Variants in MTUS2 observed in about 807,000 individuals in gnomAD.
MTUS2 encodes the protein microtubule associated scaffold protein 2, also known as microtubule-associated tumor suppressor candidate 2.
Under a neutral mutation model 114.1 loss-of-function variants are expected in MTUS2, and 40 were observed. The observed-to-expected ratio is 0.35, with a 90% CI of 0.27 to 0.46. The LOEUF is 0.46. Ranked by LOEUF, MTUS2 falls within the 20% of genes least tolerant of loss-of-function variation. The probability of loss-of-function intolerance (pLI) is 1.00; values close to 1 mark genes in which losing one functional copy is unlikely to be tolerated. For missense variants in MTUS2, 1,679 were observed against 1,705.4 expected (o/e 0.98, Z 0.27); for synonymous variants, 688 against 672.0 (o/e 1.02, Z -0.37).
intron 5 of MTUS2, among the ~76,000 whole-genome samples, chr13:29,212,698 C>T (rs1895496704): frequency 6.6e-6 from 1 of 152,256 alleles, no homozygotes; most frequent in African/African-American, 2.4e-5. Context: ...AGATGAACAG[C>T]TGGATGAGGA....
chr13:29,480,697 C>G lies in MTUS2; in HGVS notation c.3399+333C>G, dbSNP rs1282701903. On this transcript the variant is annotated intron_variant, in intron 10 of 15. Coordinates refer to ENST00000612955, the MANE Select transcript of MTUS2 (RefSeq NM_001033602.4). This position sits in a 1 kb window ranked among gnomAD's most constrained non-coding sequence, Gnocchi z 4.4. The stretch of plus-strand genomic sequence containing the variant: ...CTTTATCCAAAATTATTATTCCTCC[C>G]CCAACCACATACACACTCTTTCTGT... Among the ~76,000 whole-genome samples, 1 of 151,844 alleles carries G rather than the reference C, an allele frequency of 6.6e-6. No homozygotes were observed. The highest frequency in any genetic ancestry group is 2.4e-5 in the African/African-American group (1 of 41,298).
Position 29,405,467 on chromosome 13 carries a change from C to T in MTUS2, c.3118-34516C>T, listed in dbSNP as rs1271364572. ...GTTTCTCATTTATTGTAACGGAAATCCAAATTACATAGCACAGCCCACTCA... is the reference window on the plus strand; with the variant it reads ...GTTTCTCATTTATTGTAACGGAAATTCAAATTACATAGCACAGCCCACTCA... On this transcript the variant is annotated intron_variant, in intron 8 of 15. Transcript: ENST00000612955. Among the ~76,000 whole-genome samples the T allele has an allele frequency of 2.0e-5, 3 of 152,062 alleles. No homozygotes were observed. In the East Asian group the frequency reaches 5.8e-4, roughly 29 times the overall value.
chr13:29,471,259 C>T (rs1479818938), intron 9 of MTUS2, among the ~76,000 whole-genome samples: 2 of 152,106 alleles, frequency 1.3e-5, no homozygotes, highest in African/African-American at 4.8e-5. Context: ...AGGAGAATCG[C>T]TTGAACCCAG....
rs567463087 is a variant in MTUS2 at position 28,907,760 on chromosome 13, T to C, written c.-243+67910T>C. 2.6e-5 allele frequency among the ~76,000 whole-genome samples: 4 copies of C among 151,804 alleles called. No homozygotes were observed. The South Asian group carries it at 8.4e-4, about 32-fold the overall frequency. On this transcript the variant is annotated intron_variant, in intron 2 of 15. Coordinates refer to ENST00000612955, the MANE Select transcript of MTUS2 (RefSeq NM_001033602.4). Reference sequence around the variant, plus strand: ...GCACCCAAATTCATAACGCAAGTACTGAGTGACCTACAAAGAGACTTAGAC... The same window carrying C: ...GCACCCAAATTCATAACGCAAGTACCGAGTGACCTACAAAGAGACTTAGAC...
chr13:28,925,535 C>A (rs186645101), intron 2 of MTUS2, among the ~76,000 whole-genome samples: 1 of 152,048 alleles, frequency 6.6e-6, no homozygotes, highest in Non-Finnish European at 1.5e-5. Context: ...TCTTAAGTGC[C>A]ATTTGATTGA....
At chr13:29,388,773 G>A (rs566672692) in intron 8 of MTUS2, among the ~76,000 whole-genome samples, 6 of 152,116 alleles carry the variant, frequency 3.9e-5, no homozygotes, top group East Asian at 1.9e-4. Flanking sequence ...CTTAAGGCTC[G>A]TGTTCTGTCA....
intron 5 of MTUS2, among the ~76,000 whole-genome samples, chr13:29,156,506 G>A (rs1481231753): frequency 6.6e-6 from 1 of 152,124 alleles, no homozygotes; most frequent in Non-Finnish European, 1.5e-5. Flanking sequence ...GATGTTGGAT[G>A]ATGAGGGGAA....
At chr13:29,059,489 G>T (rs112515230) in intron 4 of MTUS2, among the ~76,000 whole-genome samples, 260 of 152,254 alleles carry the variant, frequency 1.7e-3, no homozygotes, top group African/African-American at 6.1e-3. Flanking sequence ...AGAATGTAAG[G>T]TTGCATCTGC....
intron 9 of MTUS2, among the ~76,000 whole-genome samples, chr13:29,477,349 G>T (rs2138876489): frequency 6.6e-6 from 1 of 152,036 alleles, no homozygotes; most frequent in East Asian, 1.9e-4. Context: ...TGATTCCTAA[G>T]AGCTTTGTTC....
In MTUS2 at chr13:29,100,834, C is replaced by T; in HGVS notation, c.2508C>T (p.Leu836=). 1.3e-6 allele frequency: 2 copies of T among 1,551,858 alleles called. No individual in the cohort carries two copies. Among genetic ancestry groups the T allele is most frequent in the South Asian group, 1.2e-5 (1 of 84,064 alleles). The change falls in exon 5 of 16, where the codon CTC becomes CTT. Residue 836 remains leucine, a synonymous_variant. Transcript: ENST00000612955. ...AAKSNLPKSG[L]RPPGYSRLPA... ...AATCCAATCTCCCGAAATCTGGTCT[C>T]CGTCCTCCCGGATACTCACGTCTCC...
intron 2 of MTUS2, among the ~76,000 whole-genome samples, chr13:28,963,437 A>G (rs1425829679): frequency 6.6e-6 from 1 of 152,198 alleles, no homozygotes; most frequent in African/African-American, 2.4e-5. Context: ...TCAAAAGTAA[A>G]TGTCCCTTTC....
intron 8 of MTUS2, among the ~76,000 whole-genome samples, chr13:29,420,485 C>A (rs999996981): frequency 6.6e-6 from 1 of 152,104 alleles, no homozygotes; most frequent in Non-Finnish European, 1.5e-5. Context: ...ACCATGTTGG[C>A]CAGGCTGGTT....
At chr13:29,053,493 G>A (rs979001922) in intron 4 of MTUS2, among the ~76,000 whole-genome samples, 6 of 152,180 alleles carry the variant, frequency 3.9e-5, no homozygotes, top group African/African-American at 1.4e-4. Context: ...TGCAAGTTAA[G>A]GTCAAACCTA....
chr13:29,389,320 CAT>C lies in MTUS2; in HGVS notation c.3117+29850_3117+29851del, dbSNP rs67101499. ...GTGTATATGTGTATATATGTATACACATATGTGTGTATATATGTATGCACGTG... is the reference window on the plus strand; with the variant it reads ...GTGTATATGTGTATATATGTATACACATGTGTGTATATATGTATGCACGTG... On this transcript the variant is annotated intron_variant, in intron 8 of 15. Coordinates refer to ENST00000612955, the MANE Select transcript of MTUS2 (RefSeq NM_001033602.4). 5.4e-3 allele frequency among the ~76,000 whole-genome samples: 354 copies of C among 65,964 alleles called. 34 individuals carry two copies. Among genetic ancestry groups the C allele is most frequent in the South Asian group, 8.7e-3 (13 of 1,486 alleles). The allele number at this position is 65,964 out of a possible 152,430, so 43.3% of individuals were successfully genotyped here. A position where few individuals can be genotyped will look rare whatever the true frequency, so the allele number is the denominator to read the frequency against.
intron 2 of MTUS2, among the ~76,000 whole-genome samples, chr13:29,008,483 C>T (rs921871664): frequency 6.6e-6 from 1 of 152,200 alleles, no homozygotes; most frequent in Non-Finnish European, 1.5e-5. Flanking sequence ...GTTCATCTGT[C>T]CTGGCTCCCC....
chr13:28,974,460 C>T (rs1883997247), intron 2 of MTUS2, among the ~76,000 whole-genome samples: 1 of 152,160 alleles, frequency 6.6e-6, no homozygotes, highest in Non-Finnish European at 1.5e-5. Flanking sequence ...TTTTAGAAAT[C>T]ATGAACACCA....
At chr13:28,954,903 G>C (rs1208437450) in intron 2 of MTUS2, among the ~76,000 whole-genome samples, 1 of 152,078 alleles carries the variant, frequency 6.6e-6, no homozygotes, top group East Asian at 1.9e-4. Flanking sequence ...TCATAACCAT[G>C]ACCTTATTTG....
At chr13:29,039,554 C>G (rs188573395) in intron 4 of MTUS2, among the ~76,000 whole-genome samples, 19 of 152,332 alleles carry the variant, frequency 1.2e-4, no homozygotes, top group African/African-American at 4.3e-4. Context: ...TGGTCCCAGT[C>G]ACTTGGCTCT....
chr13:29,496,526 A>C lies in MTUS2; in HGVS notation c.3580-712A>C, dbSNP rs540087692. 1 of 152,920 alleles carries C rather than the reference A, an allele frequency of 6.5e-6. No homozygotes were observed. Among genetic ancestry groups the C allele is most frequent in the African/African-American group, 2.4e-5 (1 of 41,488 alleles). 9.5% of individuals were successfully genotyped at this position (152,920 alleles called of 1,614,324 possible). The stretch of plus-strand genomic sequence containing the variant: ...GGGCTGGGAGGATGCTGTGTTAGGG[A>C]GTGTGCACTGCACCTTGAGGGCAGT... On this transcript the variant is annotated intron_variant, in intron 12 of 15. Transcript: ENST00000612955. This position sits in a 1 kb window ranked among gnomAD's most constrained non-coding sequence, Gnocchi z 4.3.
Sources: gnomAD v4.1 joint callset for allele counts (sites outside exome capture counted in the v4.1 genomes callset) on GRCh38, gnomAD v4.1.1 for gene constraint, Gnocchi (gnomAD v3.1) non-coding constraint, MANE v1.5 for transcripts, NCBI Gene and HGNC (gene_info 2026-07-23, HGNC 2026-07-21) for gene names.